The following WDPCP variants were observed in gnomAD, a reference collection of about 807,000 sequenced individuals.
WDPCP encodes the protein WD repeat containing planar cell polarity effector.
WDPCP carries 71 observed loss-of-function variants against 93.1 expected under a neutral mutation model. The observed-to-expected ratio is 0.76, with a 90% CI of 0.63 to 0.93. WDPCP has a LOEUF of 0.93. Among genes scored for constraint, WDPCP ranks in the 40% least tolerant of loss-of-function variants. The pLI is 0.00. For missense variants in WDPCP, 844 were observed against 887.4 expected (o/e 0.95, Z 0.62); for synonymous variants, 315 against 315.0 (o/e 1.00, Z 0.00).
intron 3 of WDPCP, among the ~76,000 whole-genome samples, chr2:63,629,103 G>T (rs1709839909): frequency 6.6e-6 from 1 of 152,102 alleles, no homozygotes; most frequent in African/African-American, 2.4e-5. Context: ...ACCTTGTATA[G>T]ATCCCAGAAG....
intron 13 of WDPCP, among the ~76,000 whole-genome samples, chr2:63,307,135 A>C (rs554688857): frequency 5.3e-5 from 8 of 152,334 alleles, no homozygotes; most frequent in African/African-American, 1.9e-4. Flanking sequence ...ACTCCCATTC[A>C]TAATTGCTAC....
chr2:63,590,263 A>G (rs1300569878), upstream of WDPCP: 1 of 152,204 alleles, frequency 6.6e-6, no homozygotes, highest in Admixed American at 6.5e-5. Context: ...ATCTTGACGA[A>G]TCTCCCCACT....
intron 14 of WDPCP, among the ~76,000 whole-genome samples, chr2:63,218,017 C>T (rs781471501): frequency 5.3e-5 from 8 of 152,234 alleles, no homozygotes; most frequent in Admixed American, 1.3e-4. Context: ...TTATTGAGTA[C>T]TAATTTACTG....
In WDPCP at chr2:63,120,637, C is replaced by T. The variant is rs1453358302; in HGVS notation, c.*1369G>A. 6.0e-5 allele frequency among the ~76,000 whole-genome samples: 9 copies of T among 151,052 alleles called. No homozygotes were observed. The highest frequency in any genetic ancestry group is 3.4e-3 in the Middle Eastern group (1 of 292). ...CGCCCTCCGGGTTCACGCCATTCTC[C>T]TGCTTCAGCCTCCCAAGTAGTTGGG... On this transcript the variant is annotated 3_prime_UTR_variant, in exon 18 of 18. Transcript: ENST00000272321.
intron 3 of WDPCP, among the ~76,000 whole-genome samples, chr2:63,617,306 A>C (rs1260097487): frequency 1.3e-5 from 2 of 152,218 alleles, no homozygotes; most frequent in Non-Finnish European, 2.9e-5. Context: ...ATAAGATTAA[A>C]ATGATTACAT....
At chr2:63,761,482 A>G (rs984321989) in intron 2 of WDPCP, among the ~76,000 whole-genome samples, 1 of 152,142 alleles carries the variant, frequency 6.6e-6, no homozygotes, top group African/African-American at 2.4e-5. Context: ...ACTATTATAT[A>G]TAATATATAT....
chr2:63,148,777 T>A (rs1671699451), intron 17 of WDPCP, among the ~76,000 whole-genome samples: 1 of 151,932 alleles, frequency 6.6e-6, no homozygotes, highest in African/African-American at 2.4e-5. Flanking sequence ...TTACAAGGAA[T>A]TTACAAGATG....
chr2:63,314,629 C>T (rs973906249), intron 12 of WDPCP, among the ~76,000 whole-genome samples: 3 of 152,022 alleles, frequency 2.0e-5, no homozygotes, highest in African/African-American at 7.2e-5. Context: ...TCTTAGTCTC[C>T]TTTGCTAGTT....
chr2:63,708,907 G>A (rs1042132227), intron 2 of WDPCP, among the ~76,000 whole-genome samples: 1 of 149,834 alleles, frequency 6.7e-6, no homozygotes, highest in Admixed American at 6.6e-5. Flanking sequence ...ACCTCGCCTG[G>A]CCAATAGCTA....
At chr2:63,458,038 C>T (rs886967851) in intron 6 of WDPCP, among the ~76,000 whole-genome samples, 12 of 151,222 alleles carry the variant, frequency 7.9e-5, no homozygotes, top group Non-Finnish European at 1.2e-4. Context: ...GCAGGAGAAT[C>T]GCTTGAACCC....
chr2:63,218,785 C>T (rs550035717), intron 14 of WDPCP, among the ~76,000 whole-genome samples: 25 of 152,082 alleles, frequency 1.6e-4, no homozygotes, highest in Non-Finnish European at 2.8e-4. Context: ...CTGCCCACCT[C>T]GGCCTCCCAA....
intron 14 of WDPCP, among the ~76,000 whole-genome samples, chr2:63,182,774 CTT>C (rs531449446): frequency 2.2e-5 from 2 of 92,236 alleles, no homozygotes; most frequent in Non-Finnish European, 2.3e-5. Context: ...TGGCCCTGGA[CTT>C]TTTTTTTTTT....
chr2:63,782,142 G>C (rs181070696), intron 2 of WDPCP, among the ~76,000 whole-genome samples: 19 of 151,932 alleles, frequency 1.3e-4, no homozygotes, highest in African/African-American at 4.6e-4. Flanking sequence ...CCTGTATCTC[G>C]CACCATATTA....
chr2:63,695,002 A>G (rs1213379714), intron 2 of WDPCP, among the ~76,000 whole-genome samples: 1 of 152,192 alleles, frequency 6.6e-6, no homozygotes, highest in African/African-American at 2.4e-5. Flanking sequence ...AACACAGACA[A>G]ATACAGGAAC....
Position 63,516,015 on chromosome 2 carries a change from A to AT in WDPCP, c.76-23076dup, listed in dbSNP as rs1316217723. ...AGCCTGTGCGATACAGCCAGACTCC[A>AT]TTTCAAAAAAAAAAAAAAGATTTTC... On this transcript the variant is annotated intron_variant, in intron 1 of 17. Transcript: ENST00000272321. Among the ~76,000 whole-genome samples, 3 of 131,740 alleles carry AT rather than the reference A, an allele frequency of 2.3e-5. No homozygotes were observed. The East Asian group carries it at 1.2e-3, about 52-fold the overall frequency. The allele number at this position is 131,740 out of a possible 152,430, so 86.4% of individuals were successfully genotyped here.
rs1689615311 is a variant in WDPCP at position 63,351,557 on chromosome 2, G to C, written c.1748+26829C>G. Among the ~76,000 whole-genome samples, 2 of 152,142 alleles carry C rather than the reference G, an allele frequency of 1.3e-5. 1 individual carries two copies. Among genetic ancestry groups the C allele is most frequent in the South Asian group, 4.1e-4 (2 of 4,820 alleles). On this transcript the variant is annotated intron_variant, in intron 12 of 17. Coordinates refer to ENST00000272321, the MANE Select transcript of WDPCP (RefSeq NM_015910.7). Reference sequence around the variant, plus strand: ...GTTTTTGTTCCTGTTAATTCACTTAGGATTATGGCCTTCAGCTGCATCCAC... The same window carrying C: ...GTTTTTGTTCCTGTTAATTCACTTACGATTATGGCCTTCAGCTGCATCCAC...
intron 9 of WDPCP, among the ~76,000 whole-genome samples, chr2:63,412,111 A>G (rs1047297137): frequency 7.9e-5 from 12 of 152,348 alleles, no homozygotes; most frequent in Middle Eastern, 3.4e-3. Context: ...CTTGATGAAC[A>G]TTGATGCTAA....
intron 12 of WDPCP, among the ~76,000 whole-genome samples, chr2:63,345,872 T>C (rs1419641316): frequency 6.6e-6 from 1 of 152,198 alleles, no homozygotes; most frequent in Non-Finnish European, 1.5e-5. Flanking sequence ...TGCCTCTACC[T>C]TTATCCTGGC....
intron 1 of WDPCP, among the ~76,000 whole-genome samples, chr2:63,548,857 T>C (rs947606070): frequency 1.3e-5 from 2 of 152,138 alleles, no homozygotes; most frequent in Non-Finnish European, 2.9e-5. Flanking sequence ...TAAATGTCTA[T>C]ATGTTAAGAA....
Sources: gnomAD v4.1 joint callset for allele counts (sites outside exome capture counted in the v4.1 genomes callset) on GRCh38, gnomAD v4.1.1 for gene constraint, MANE v1.5 for transcripts, NCBI Gene and HGNC (gene_info 2026-07-23, HGNC 2026-07-21) for gene names.